The following WWTR1 variants were observed in gnomAD, a reference collection of about 807,000 sequenced individuals.
The protein encoded by WWTR1 is WW domain-containing transcription regulator protein 1.
Under a neutral mutation model 40.1 loss-of-function variants are expected in WWTR1, and 13 were observed. That is an observed-to-expected ratio of 0.32 (90% CI 0.21 to 0.52). The LOEUF is 0.52. Among genes scored for constraint, WWTR1 ranks in the 20% least tolerant of loss-of-function variants. The pLI, the probability that WWTR1 is intolerant of heterozygous loss-of-function variation, is 0.97. For missense variants in WWTR1, 436 were observed against 523.1 expected (o/e 0.83, Z 1.63); for synonymous variants, 230 against 210.1 (o/e 1.09, Z -0.82).
At chr3:149,568,523 C>CAAAAAAAAAAAAAAAAAAAAAA (rs34414853) in intron 3 of WWTR1, among the ~76,000 whole-genome samples, 2 of 64,814 alleles carry the variant, frequency 3.1e-5, no homozygotes, top group Non-Finnish European at 6.3e-5. Context: ...AATTAAAGTG[C>CAAAAAAAAAAAAAAAAAAAAAA]AAAAAAAAAA....
intron 2 of WWTR1, among the ~76,000 whole-genome samples, chr3:149,634,241 TG>T (rs1316643977): frequency 1.3e-5 from 2 of 152,198 alleles, no homozygotes; most frequent in Non-Finnish European, 2.9e-5. Context: ...GTTCCTTAAA[TG>T]CCCTGTACAT....
chr3:149,526,015 G>A lies in WWTR1; in HGVS notation c.1016C>T (p.Thr339Ile). 2.5e-6 allele frequency: 4 copies of A among 1,594,292 alleles called. No individual in the cohort carries two copies. The highest frequency in any genetic ancestry group is 3.3e-4 in the Middle Eastern group (2 of 6,002). The change falls in exon 6 of 7, where the codon ACA (threonine) becomes ATA (isoleucine). Residue 339 changes from threonine (T) to isoleucine (I), a missense_variant and splice_region_variant. Thr to Ile is a moderately conservative substitution (Grantham distance 89). Transcript: ENST00000360632. ...GTGCTTGCAGGCTTTGCTCCTACCTGTATCCATCTCATCCACATTGCTGAG... is the reference window on the plus strand; with the variant it reads ...GTGCTTGCAGGCTTTGCTCCTACCTATATCCATCTCATCCACATTGCTGAG... ...DFLSNVDEMDTGENAGQTPMN... is the reference protein window; with the variant it reads ...DFLSNVDEMDIGENAGQTPMN...
At chr3:149,571,973 T>C (rs1737652449) in intron 3 of WWTR1, among the ~76,000 whole-genome samples, 2 of 152,222 alleles carry the variant, frequency 1.3e-5, no homozygotes, top group South Asian at 4.1e-4. Flanking sequence ...GTGGGGATAA[T>C]TTTAGCAGAA....
chr3:149,674,833 G>A (rs1312139431), intron 1 of WWTR1, among the ~76,000 whole-genome samples: 1 of 152,002 alleles, frequency 6.6e-6, no homozygotes. Context: ...TTCAAAGCTC[G>A]CTGGGCCTTC....
chr3:149,707,316 G>A (rs1251856126), upstream of WWTR1, among the ~76,000 whole-genome samples: 2 of 152,192 alleles, frequency 1.3e-5, no homozygotes, highest in African/African-American at 4.8e-5. Context: ...ATGCAGAGGG[G>A]TTAGTGTCCT....
intron 2 of WWTR1, among the ~76,000 whole-genome samples, chr3:149,584,205 CTCT>C (rs1318945382): frequency 6.6e-6 from 1 of 152,228 alleles, no homozygotes; most frequent in Non-Finnish European, 1.5e-5. Flanking sequence ...GCCCTCCTTT[CTCT>C]TCTTTCTAAT....
upstream of WWTR1, among the ~76,000 whole-genome samples, chr3:149,662,729 A>G (rs1334102938): frequency 6.6e-6 from 1 of 152,166 alleles, no homozygotes. Context: ...ATATGAGTCA[A>G]AGCTATCAAT....
At chr3:149,547,387 T>C (rs887970001) in intron 3 of WWTR1, among the ~76,000 whole-genome samples, 3 of 151,880 alleles carry the variant, frequency 2.0e-5, no homozygotes, top group East Asian at 1.9e-4. Context: ...TTATCTGGGC[T>C]TGTTGGCAGG....
chr3:149,720,931 G>T (rs1170583879), intron 4 of WWTR1, among the ~76,000 whole-genome samples: 1 of 152,040 alleles, frequency 6.6e-6, no homozygotes, highest in Non-Finnish European at 1.5e-5. Flanking sequence ...TATTGTTTGT[G>T]TATATAAATG....
intron 1 of WWTR1, among the ~76,000 whole-genome samples, chr3:149,677,937 ATT>A (rs34388497): frequency 6.3e-5 from 9 of 142,742 alleles, no homozygotes; most frequent in Admixed American, 1.4e-4. Context: ...TAATTTTTGT[ATT>A]TTTTTTTTTT....
chr3:149,721,693 G>A (rs748921252), intron 4 of WWTR1, among the ~76,000 whole-genome samples: 34 of 152,070 alleles, frequency 2.2e-4, no homozygotes, highest in Admixed American at 3.3e-4. Context: ...TTCTTTAAAT[G>A]TTTGGTATAA....
intron 2 of WWTR1, among the ~76,000 whole-genome samples, chr3:149,613,059 A>T (rs1485480334): frequency 2.0e-5 from 3 of 152,218 alleles, no homozygotes; most frequent in Non-Finnish European, 4.4e-5. Context: ...GCAGGTGGGT[A>T]GGCTGGCAGC....
rs150571129 is a variant in WWTR1 at position 149,548,416 on chromosome 3, G to A, written c.569-5879C>T. ...GTTTCACAAACGTCTTTTTGGCCTC[G>A]GCAGGTTTCAGTGGCTTGCTCTTCT... On this transcript the variant is annotated intron_variant, in intron 3 of 6. Coordinates refer to ENST00000360632, the MANE Select transcript of WWTR1 (RefSeq NM_015472.6). 6.9e-3 allele frequency among the ~76,000 whole-genome samples: 1,055 copies of A among 152,270 alleles called. 6 individuals carry two copies. Among genetic ancestry groups the A allele is most frequent in the South Asian group, 0.014 (66 of 4,824 alleles).
intron 2 of WWTR1, among the ~76,000 whole-genome samples, chr3:149,627,401 A>G (rs1052249326): frequency 2.0e-5 from 3 of 152,188 alleles, no homozygotes; most frequent in African/African-American, 7.2e-5. Flanking sequence ...TGAGCAGAGG[A>G]ACACGAAATT....
In WWTR1 at chr3:149,544,721, C is replaced by G. The variant is rs1220923499; in HGVS notation, c.569-2184G>C. On this transcript the variant is annotated intron_variant, in intron 3 of 6. Transcript: ENST00000360632. ...ATCTTAGACTGAAGAAGAGGAACAA[C>G]TGCTGAAGCCTCAGAGCAACCCTGT... 3.3e-5 allele frequency among the ~76,000 whole-genome samples: 5 copies of G among 152,208 alleles called. No homozygotes were observed. In the East Asian group the frequency reaches 9.6e-4, roughly 29 times the overall value.
intron 3 of WWTR1, among the ~76,000 whole-genome samples, chr3:149,552,024 A>G (rs1736636983): frequency 6.8e-6 from 1 of 146,136 alleles, no homozygotes. Context: ...TGACTGCATT[A>G]TATCACCCAT....
rs1036523005 is a variant in WWTR1 at position 149,569,058 on chromosome 3, G to A, written c.568+3806C>T. Among the ~76,000 whole-genome samples the A allele has an allele frequency of 4.0e-5, 6 of 151,718 alleles. No individual in the cohort carries two copies. The South Asian group carries it at 6.2e-4, about 16-fold the overall frequency. ...TGGGATTACAGGTGTGAGCCACCGC[G>A]CCCGGCATCTAAAGCTCTTATAAAA... is the stretch of plus-strand genomic sequence containing the variant. On this transcript the variant is annotated intron_variant, in intron 3 of 6. Coordinates refer to ENST00000360632, the MANE Select transcript of WWTR1 (RefSeq NM_015472.6).
At chr3:149,601,929 A>G (rs1739264716) in intron 2 of WWTR1, among the ~76,000 whole-genome samples, 1 of 152,170 alleles carries the variant, frequency 6.6e-6, no homozygotes, top group South Asian at 2.1e-4. Context: ...AATGTGAGAG[A>G]TGGGTACATT....
At chr3:149,680,305 A>G (rs1230032725) in intron 1 of WWTR1, among the ~76,000 whole-genome samples, 1 of 152,192 alleles carries the variant, frequency 6.6e-6, no homozygotes, top group Non-Finnish European at 1.5e-5. Context: ...GCACTTTGGG[A>G]GGCCGAGGCA....
Sources: allele counts gnomAD v4.1 joint callset (sites outside exome capture counted in the v4.1 genomes callset), GRCh38; gene constraint gnomAD v4.1.1; transcripts MANE v1.5; gene names NCBI Gene and HGNC (gene_info 2026-07-23, HGNC 2026-07-21).